Variants in PCDHGA6 observed in about 807,000 individuals in gnomAD.
PCDHGA6 encodes the protein protocadherin gamma subfamily A, 6, also known as protocadherin gamma-A6.
Under a neutral mutation model 60.6 loss-of-function variants are expected in PCDHGA6, and 41 were observed. The ratio of observed to expected loss-of-function variants is 0.68; its 90% CI spans 0.53 to 0.88. PCDHGA6 has a LOEUF of 0.88. Among genes scored for constraint, PCDHGA6 ranks in the 40% least tolerant of loss-of-function variants. The probability of loss-of-function intolerance (pLI) is 0.00; values close to 1 mark genes in which losing one functional copy is unlikely to be tolerated. For missense variants in PCDHGA6, 1,312 were observed against 1,203.0 expected (o/e 1.09, Z -1.34); for synonymous variants, 594 against 524.4 (o/e 1.13, Z -1.81).
intron 1 of PCDHGA6, chr5:141,428,358 G>C: frequency 1.8e-6 from 1 of 565,492 alleles, no homozygotes; most frequent in South Asian, 1.9e-5. Context: ...TGATTTTGGC[G>C]GTCGCCTTGC....
At chr5:141,403,121 C>G in intron 1 of PCDHGA6, 1 of 1,614,046 alleles carries the variant, frequency 6.2e-7, no homozygotes, top group South Asian at 1.1e-5. Flanking sequence ...TCTGGAGCCC[C>G]GGGAGCTGGC....
intron 1 of PCDHGA6, chr5:141,416,112 T>C (rs555358881): frequency 6.4e-6 from 1 of 156,492 alleles, no homozygotes; most frequent in Non-Finnish European, 1.4e-5. Context: ...TTTTTCAAAC[T>C]ACATTTTATA....
chr5:141,450,450 C>T (rs964666176), intron 1 of PCDHGA6, among the ~76,000 whole-genome samples: 5 of 151,996 alleles, frequency 3.3e-5, no homozygotes, highest in African/African-American at 9.7e-5. Context: ...TTTTATGTTT[C>T]CTCGTGATTT....
At chr5:141,510,402 G>A (rs2099880998) in intron 3 of PCDHGA6, among the ~76,000 whole-genome samples, 1 of 152,008 alleles carries the variant, frequency 6.6e-6, no homozygotes, top group African/African-American at 2.4e-5. Flanking sequence ...GCAAAGGCTA[G>A]GGGCATGTAA....
chr5:141,486,879 G>A lies in PCDHGA6; in HGVS notation c.2425-7928G>A, dbSNP rs1371072899. 7 of 1,614,228 alleles carry A rather than the reference G, an allele frequency of 4.3e-6. No homozygotes were observed. Among genetic ancestry groups the A allele is most frequent in the Non-Finnish European group, 4.2e-6 (5 of 1,180,046 alleles). On this transcript the variant is annotated intron_variant, in intron 1 of 3. Coordinates refer to ENST00000517434, the MANE Select transcript of PCDHGA6 (RefSeq NM_018919.3). The surrounding 1 kb of genome is among the most constrained non-coding windows in gnomAD (Gnocchi z 5.0). Reference sequence around the variant, plus strand: ...AATGCTCCAGCTGTGCTCCGTCCTCGGGCCCGGCCTGGTTCCTTATGTCCC... The same window carrying A: ...AATGCTCCAGCTGTGCTCCGTCCTCAGGCCCGGCCTGGTTCCTTATGTCCC...
intron 1 of PCDHGA6, chr5:141,393,422 G>A: frequency 6.2e-7 from 1 of 1,614,042 alleles, no homozygotes; most frequent in Non-Finnish European, 8.5e-7. Context: ...TGGACAGGGA[G>A]GAAGAGGCTG....
At chr5:141,399,217 T>G in intron 1 of PCDHGA6, 2 of 1,613,972 alleles carry the variant, frequency 1.2e-6, no homozygotes, top group Non-Finnish European at 1.7e-6. Flanking sequence ...ACTAATTGCT[T>G]TGATCAAAAT....
At chr5:141,398,951 C>A (rs771456321) in intron 1 of PCDHGA6, 2 of 1,613,822 alleles carry the variant, frequency 1.2e-6, no homozygotes, top group Admixed American at 1.7e-5. Flanking sequence ...GGCATCAACT[C>A]AGAAATTACT....
rs1476081470 is a variant in PCDHGA6, at chr5:141,432,757, C to G, written c.2424+56250C>G. 2.5e-6 allele frequency: 4 copies of G among 1,614,150 alleles called. No homozygotes were observed. The highest frequency in any genetic ancestry group is 1.3e-5 in the African/African-American group (1 of 75,076). ...TCACGCTCACCGTGGCCGTGGCCGA[C>G]AGCATCCCCCAAGTCCTGGCGGACC... On this transcript the variant is annotated intron_variant, in intron 1 of 3. Coordinates refer to ENST00000517434, the MANE Select transcript of PCDHGA6 (RefSeq NM_018919.3). This position sits in a 1 kb window ranked among gnomAD's most constrained non-coding sequence, Gnocchi z 6.0.
chr5:141,415,484 G>C (rs369349538), intron 1 of PCDHGA6: 18 of 1,614,102 alleles, frequency 1.1e-5, no homozygotes, highest in Non-Finnish European at 1.5e-5. Flanking sequence ...TCGCGAAAGA[G>C]TCACCTGATC....
intron 1 of PCDHGA6, chr5:141,421,487 C>A (rs1447180364): frequency 6.2e-7 from 1 of 1,613,976 alleles, no homozygotes; most frequent in East Asian, 2.2e-5. Context: ...AGCTTGATCA[C>A]GGCAGGCAGG....
At chr5:141,494,922 C>T (rs1401836511) in intron 2 of PCDHGA6, 57 bp downstream of exon 2, 23 of 1,613,670 alleles carry the variant, frequency 1.4e-5, no homozygotes, top group Non-Finnish European at 1.9e-5. Flanking sequence ...TCAGGGATGA[C>T]GTGGGAGGAG....
In PCDHGA6 at chr5:141,485,042, C is replaced by T; in HGVS notation, c.2425-9765C>T. ...CAGCAAAAACGGCGCGTAACCCTTGCGGCGCCGGCCGAACCGCGCCAGAGC... is the reference window on the plus strand; with the variant it reads ...CAGCAAAAACGGCGCGTAACCCTTGTGGCGCCGGCCGAACCGCGCCAGAGC... On this transcript the variant is annotated intron_variant, in intron 1 of 3. Coordinates refer to ENST00000517434, the MANE Select transcript of PCDHGA6 (RefSeq NM_018919.3). This position sits in a 1 kb window ranked among gnomAD's most constrained non-coding sequence, Gnocchi z 5.7. 1 of 724,054 alleles carries T rather than the reference C, an allele frequency of 1.4e-6. No individual in the cohort carries two copies. Among genetic ancestry groups the T allele is most frequent in the South Asian group, 1.8e-5 (1 of 56,650 alleles). 44.9% of individuals were successfully genotyped at this position (724,054 alleles called of 1,614,324 possible). A position where few individuals can be genotyped will look rare whatever the true frequency, so the allele number is the denominator to read the frequency against.
intron 1 of PCDHGA6, chr5:141,414,961 G>T: frequency 6.2e-7 from 1 of 1,614,028 alleles, no homozygotes; most frequent in South Asian, 1.1e-5. Flanking sequence ...GACCAAGGTG[G>T]TGGCGGTGGA....
chr5:141,388,144 G>A (rs1327741980), intron 1 of PCDHGA6: 2 of 1,458,202 alleles, frequency 1.4e-6, no homozygotes, highest in Non-Finnish European at 9.5e-7. Flanking sequence ...TTGCTTGTGA[G>A]CAGCAGGCTA....
chr5:141,424,878 G>A (rs1455273258), intron 1 of PCDHGA6, among the ~76,000 whole-genome samples: 2 of 152,162 alleles, frequency 1.3e-5, no homozygotes, highest in African/African-American at 4.8e-5. Context: ...GAGGAAAGGA[G>A]ACTTATCTAG....
chr5:141,427,787 C>T, intron 1 of PCDHGA6: 1 of 1,478,068 alleles, frequency 6.8e-7, no homozygotes, highest in Non-Finnish European at 9.4e-7. Flanking sequence ...CACTGTCGTC[C>T]TACGTGTCCG....
Position 141,375,093 on chromosome 5 carries a change from T to A in PCDHGA6, c.1010T>A (p.Ile337Asn), listed in dbSNP as rs1394979484. The change falls in exon 1 of 4, where the codon ATC (isoleucine) becomes AAC (asparagine). Residue 337 changes from isoleucine (I) to asparagine (N), a missense_variant. Physicochemically the swap from Ile to Asn is moderately radical, Grantham distance 149 (BLOSUM62 -3). Transcript: ENST00000517434. ...GACAGAGCGAAAGTCTTAATAACTA[T>A]CTTGGATGTCAATGATAATGTACCA... ...LRDRAKVLIT[I>N]LDVNDNVPEV... The A allele has an allele frequency of 6.2e-7, 1 of 1,613,962 alleles. No homozygotes were observed. The highest frequency in any genetic ancestry group is 1.1e-5 in the South Asian group (1 of 91,088).
chr5:141,383,890 G>A lies in PCDHGA6; in HGVS notation c.2424+7383G>A, dbSNP rs1274384804. 3.1e-6 allele frequency: 5 copies of A among 1,613,936 alleles called. No individual in the cohort carries two copies. Among genetic ancestry groups the A allele is most frequent in the Non-Finnish European group, 4.2e-6 (5 of 1,179,896 alleles). On this transcript the variant is annotated intron_variant, in intron 1 of 3. Transcript: ENST00000517434. The stretch of plus-strand genomic sequence containing the variant: ...AGATGGTCCTGGTAGTCTGACAAAG[G>A]CAAAAGTACTGATCACAGTTTTAGA...
Sources: gnomAD v4.1 joint callset for allele counts (sites outside exome capture counted in the v4.1 genomes callset) on GRCh38, gnomAD v4.1.1 for gene constraint, Gnocchi (gnomAD v3.1) non-coding constraint, MANE v1.5 for transcripts, NCBI Gene and HGNC (gene_info 2026-07-23, HGNC 2026-07-21) for gene names.